ARHGAP10: variants seen among roughly 807,000 people sequenced by gnomAD.
ARHGAP10 encodes Rho GTPase activating protein 10.
A neutral mutation model predicts 108.6 loss-of-function variants in ARHGAP10; 87 were observed. The observed-to-expected ratio is 0.80, with a 90% CI of 0.67 to 0.96. The LOEUF is 0.96. Ranked by LOEUF, ARHGAP10 falls within the 40% of genes least tolerant of loss-of-function variation. ARHGAP10 has a pLI of 0.00. For synonymous variants in ARHGAP10, 347 were observed against 341.1 expected (o/e 1.02, Z -0.19); for missense variants, 939 against 954.5 (o/e 0.98, Z 0.21).
chr4:147,799,379 A>T (rs760792527), intron 1 of ARHGAP10, among the ~76,000 whole-genome samples: 1 of 151,944 alleles, frequency 6.6e-6, no homozygotes, highest in African/African-American at 2.4e-5. Flanking sequence ...TCTTTTACCA[A>T]ATTTGGAATG....
chr4:147,911,297 A>C (rs1007062827), intron 12 of ARHGAP10, among the ~76,000 whole-genome samples: 10 of 152,176 alleles, frequency 6.6e-5, no homozygotes, highest in Non-Finnish European at 1.5e-4. Context: ...TCTGAGAGCC[A>C]AGGATTAGTG....
chr4:147,798,549 G>T (rs1731408875), intron 1 of ARHGAP10, among the ~76,000 whole-genome samples: 1 of 151,556 alleles, frequency 6.6e-6, no homozygotes, highest in Admixed American at 6.6e-5. Flanking sequence ...GGCAGCCTAG[G>T]TGGGTGGATC....
At chr4:147,735,526 G>T (rs545095304) in intron 1 of ARHGAP10, among the ~76,000 whole-genome samples, 1 of 152,340 alleles carries the variant, frequency 6.6e-6, no homozygotes, top group South Asian at 2.1e-4. Flanking sequence ...GGGAGTAGTA[G>T]ACTGGGATGG....
intron 20 of ARHGAP10, 67 bp downstream of exon 20, chr4:148,047,118 C>G: frequency 6.4e-7 from 1 of 1,569,802 alleles, no homozygotes; most frequent in Non-Finnish European, 8.7e-7. Context: ...TTTAAAGTTT[C>G]CATGAGCAGT....
intron 13 of ARHGAP10, among the ~76,000 whole-genome samples, chr4:147,936,158 A>G (rs969511131): frequency 6.6e-6 from 1 of 152,108 alleles, no homozygotes; most frequent in African/African-American, 2.4e-5. Flanking sequence ...ATTTTAAACT[A>G]TCTGGATGTG....
intron 16 of ARHGAP10, among the ~76,000 whole-genome samples, chr4:147,958,303 A>G (rs932193924): frequency 6.6e-6 from 1 of 152,216 alleles, no homozygotes; most frequent in African/African-American, 2.4e-5. Context: ...TAAAGGCTGA[A>G]TGCCTGTTGT....
In ARHGAP10 at chr4:147,763,746, CTTTTTTTT is replaced by C. The variant is rs35774782; in HGVS notation, c.154+31309_154+31316del. 5.4e-3 allele frequency among the ~76,000 whole-genome samples: 502 copies of C among 93,208 alleles called. 24 individuals are homozygous for C. Among genetic ancestry groups the C allele is most frequent in the East Asian group, 0.051 (146 of 2,888 alleles). 61.1% of individuals were successfully genotyped at this position (93,208 alleles called of 152,430 possible). On this transcript the variant is annotated intron_variant, in intron 1 of 22. Coordinates refer to ENST00000336498, the MANE Select transcript of ARHGAP10 (RefSeq NM_024605.4). ...AATTTTTATAGACAGATGGTGATTCCTTTTTTTTTTTTTTTTTTTTTTTTTAAAAACAG... is the reference window on the plus strand; with the variant it reads ...AATTTTTATAGACAGATGGTGATTCCTTTTTTTTTTTTTTTTTAAAAACAG...
intron 1 of ARHGAP10, among the ~76,000 whole-genome samples, chr4:147,787,426 C>G (rs892436735): frequency 7.1e-6 from 1 of 139,892 alleles, no homozygotes; most frequent in Non-Finnish European, 1.6e-5. Flanking sequence ...ATGAATCACT[C>G]TCTTGGCTGA....
chr4:148,056,148 C>A (rs987843850), intron 20 of ARHGAP10, among the ~76,000 whole-genome samples: 2 of 152,200 alleles, frequency 1.3e-5, no homozygotes, highest in Admixed American at 6.5e-5. Context: ...TACTCTCTGG[C>A]CCTTTACAGA....
intron 10 of ARHGAP10, among the ~76,000 whole-genome samples, chr4:147,885,813 C>T (rs1735526419): frequency 6.6e-6 from 1 of 152,184 alleles, no homozygotes; most frequent in African/African-American, 2.4e-5. Flanking sequence ...CTCATGGTTT[C>T]ACACTTGAAA....
intron 20 of ARHGAP10, among the ~76,000 whole-genome samples, chr4:148,051,640 G>A (rs573789200): frequency 1.3e-5 from 2 of 152,316 alleles, no homozygotes; most frequent in African/African-American, 4.8e-5. Context: ...GGCCAGGAGG[G>A]CAGTAGATTC....
At chr4:147,886,640 G>A (rs925085265) in intron 10 of ARHGAP10, among the ~76,000 whole-genome samples, 2 of 152,108 alleles carry the variant, frequency 1.3e-5, no homozygotes, top group Admixed American at 1.3e-4. Flanking sequence ...CCCAACTTAA[G>A]ATTCAGTTCT....
At chr4:147,997,770 C>T (rs977451104) in intron 18 of ARHGAP10, among the ~76,000 whole-genome samples, 2 of 152,050 alleles carry the variant, frequency 1.3e-5, no homozygotes, top group Admixed American at 6.6e-5. Flanking sequence ...CAATTTCTGG[C>T]CACAAAGGAA....
At chr4:147,866,408 A>G in intron 6 of ARHGAP10, 1 of 238,010 alleles carries the variant, frequency 4.2e-6, no homozygotes, top group East Asian at 9.9e-5. Context: ...AATTACAAAT[A>G]TTGGGATTCT....
At chr4:147,783,193 T>C (rs1287792458) in intron 1 of ARHGAP10, among the ~76,000 whole-genome samples, 1 of 144,942 alleles carries the variant, frequency 6.9e-6, no homozygotes, top group Non-Finnish European at 1.5e-5. Context: ...TTATATATTG[T>C]ATAATTTATA....
intron 1 of ARHGAP10, among the ~76,000 whole-genome samples, chr4:147,780,963 G>A (rs571821684): frequency 1.3e-5 from 2 of 152,204 alleles, no homozygotes; most frequent in African/African-American, 2.4e-5. Context: ...GAGAGAAGAC[G>A]CTCCAGAGAA....
chr4:147,798,773 CTCTCTCTCTATATATATATATATA>C (rs1560764831), intron 1 of ARHGAP10, among the ~76,000 whole-genome samples: 6 of 4,724 alleles, frequency 1.3e-3, no homozygotes, highest in African/African-American at 1.6e-3. Flanking sequence ...CTCTCTCTCT[CTCTCTCTCTATATATATATATATA>C]TATATATATA....
At chr4:148,038,757 G>A (rs947860692) in intron 19 of ARHGAP10, among the ~76,000 whole-genome samples, 3 of 152,200 alleles carry the variant, frequency 2.0e-5, no homozygotes, top group African/African-American at 7.2e-5. Context: ...GGGGCATGAG[G>A]TGGATGTTAA....
chr4:147,806,783 C>T (rs1259710068), intron 1 of ARHGAP10, among the ~76,000 whole-genome samples: 5 of 152,204 alleles, frequency 3.3e-5, no homozygotes, highest in African/African-American at 1.2e-4. Context: ...CTCACTACAA[C>T]CTTGAATTCT....
Sources: allele counts gnomAD v4.1 joint callset (sites outside exome capture counted in the v4.1 genomes callset), GRCh38; gene constraint gnomAD v4.1.1; transcripts MANE v1.5; gene names NCBI Gene and HGNC (gene_info 2026-07-23, HGNC 2026-07-21).